The following UBE2B variants were observed in gnomAD, a reference collection of about 807,000 sequenced individuals.
UBE2B encodes the protein ubiquitin conjugating enzyme E2 B, also known as ubiquitin-conjugating enzyme E2 B.
Under a neutral mutation model 24.6 loss-of-function variants are expected in UBE2B, and 11 were observed. The observed-to-expected ratio is 0.45, with a 90% CI of 0.28 to 0.74. The LOEUF (loss-of-function observed/expected upper bound fraction) is 0.74. UBE2B is among the 30% of genes least tolerant of loss of function. UBE2B has a pLI of 0.13. For missense variants in UBE2B, 78 were observed against 185.6 expected (o/e 0.42, Z 3.37); for synonymous variants, 68 against 62.4 (o/e 1.09, Z -0.42).
chr5:134,387,679 G>A (rs910549353), intron 4 of UBE2B, among the ~76,000 whole-genome samples: 1 of 152,198 alleles, frequency 6.6e-6, no homozygotes, highest in African/African-American at 2.4e-5. Flanking sequence ...ATAAGAAAAG[G>A]TGCCAAACTC....
At chr5:134,381,091 T>C (rs1485305876) in intron 4 of UBE2B, among the ~76,000 whole-genome samples, 1 of 151,158 alleles carries the variant, frequency 6.6e-6, no homozygotes, top group African/African-American at 2.4e-5. Context: ...CTCAGCCTTG[T>C]GAGTAGCTGG....
At chr5:134,381,364 T>C in intron 4 of UBE2B, among the ~76,000 whole-genome samples, 1 of 152,212 alleles carries the variant, frequency 6.6e-6, no homozygotes, top group East Asian at 1.9e-4. Context: ...CAAGTAATCC[T>C]CCTGCCTCAG....
chr5:134,380,546 CGT>C (rs1758691434), intron 3 of UBE2B, among the ~76,000 whole-genome samples, 171 bp from the exon 4 acceptor site: 1 of 152,144 alleles, frequency 6.6e-6, no homozygotes, highest in Non-Finnish European at 1.5e-5. Flanking sequence ...GCCAATGCTG[CGT>C]GTTACCATTC....
intron 4 of UBE2B, among the ~76,000 whole-genome samples, chr5:134,381,818 C>A (rs577930861): frequency 6.6e-6 from 1 of 152,288 alleles, no homozygotes; most frequent in Non-Finnish European, 1.5e-5. Flanking sequence ...ATGGTGGGCA[C>A]CTGTAATCTC....
Position 134,376,661 on chromosome 5 carries a change from G to T in UBE2B, c.126-8G>T. On this transcript the variant is annotated splice_polypyrimidine_tract_variant and splice_region_variant and intron_variant, in intron 2 of 5. Coordinates refer to ENST00000265339, the MANE Select transcript of UBE2B (RefSeq NM_003337.4). ...ACTTCTTTTAATCAGAAATCTTCTT[G>T]TTTTCAGACCAGAAGGGACACCTTT... The T allele has an allele frequency of 6.2e-7, 1 of 1,611,336 alleles. No individual in the cohort carries two copies. Among genetic ancestry groups the T allele is most frequent in the Non-Finnish European group, 8.5e-7 (1 of 1,179,042 alleles).
At chr5:134,376,886 T>C (rs543024204) in intron 3 of UBE2B, among the ~76,000 whole-genome samples, 192 bp downstream of exon 3, 93 of 152,208 alleles carry the variant, frequency 6.1e-4, no homozygotes, top group Non-Finnish European at 1.0e-3. Flanking sequence ...TGGTAACCAA[T>C]ATTAAAGGTT....
chr5:134,374,325 G>A (rs978703492), intron 1 of UBE2B, 58 bp from the exon 2 acceptor site: 18 of 1,484,668 alleles, frequency 1.2e-5, no homozygotes, highest in Middle Eastern at 1.7e-4. Context: ...AGGTGTTTAC[G>A]TGGCCTCCTT....
chr5:134,386,046 T>TG (rs1204765003), intron 4 of UBE2B, among the ~76,000 whole-genome samples: 2 of 147,742 alleles, frequency 1.4e-5, no homozygotes, highest in Non-Finnish European at 3.0e-5. Flanking sequence ...GATCATCTGC[T>TG]GGGGGCGCTG....
intron 4 of UBE2B, chr5:134,388,112 A>G: frequency 1.8e-6 from 1 of 568,922 alleles, no homozygotes; most frequent in Non-Finnish European, 3.1e-6. Flanking sequence ...TCCAGCAATT[A>G]CATTTCAACA....
chr5:134,386,094 AGGTG>A (rs1310886391), intron 4 of UBE2B, among the ~76,000 whole-genome samples: 2 of 151,596 alleles, frequency 1.3e-5, no homozygotes, highest in East Asian at 2.0e-4. Context: ...TGGGAGACCG[AGGTG>A]GGCAGATCAC....
rs35846769 is a variant in UBE2B at position 134,372,358 on chromosome 5, A to C, written c.44+719A>C. Among the ~76,000 whole-genome samples the C allele has an allele frequency of 3.3e-3, 506 of 152,288 alleles. 1 individual carries two copies. The highest frequency in any genetic ancestry group is 0.012 in the African/African-American group (479 of 41,548). ...AAATGCCTTCCCTTAGACTGGCGCTAATCTGATACTCCCTGGGCCTCCTTT... is the reference window on the plus strand; with the variant it reads ...AAATGCCTTCCCTTAGACTGGCGCTCATCTGATACTCCCTGGGCCTCCTTT... On this transcript the variant is annotated intron_variant, in intron 1 of 5. Transcript: ENST00000265339.
In UBE2B at chr5:134,390,003, T is replaced by C; in HGVS notation, c.331-222T>C. On this transcript the variant is annotated intron_variant, in intron 5 of 5. Coordinates refer to ENST00000265339, the MANE Select transcript of UBE2B (RefSeq NM_003337.4). The surrounding 1 kb of genome is among the most constrained non-coding windows in gnomAD (Gnocchi z 4.6). Reference sequence around the variant, plus strand: ...GCTGAAATTATAGGTCTTAAGGCAATTGAGAACTTTATTTCAGAAGCTTAA... The same window carrying C: ...GCTGAAATTATAGGTCTTAAGGCAACTGAGAACTTTATTTCAGAAGCTTAA... 1 of 523,082 alleles carries C rather than the reference T, an allele frequency of 1.9e-6. No individual in the cohort carries two copies. Among genetic ancestry groups the C allele is most frequent in the Non-Finnish European group, 3.4e-6 (1 of 294,216 alleles). 32.4% of individuals were successfully genotyped at this position (523,082 alleles called of 1,614,324 possible). A position where few individuals can be genotyped will look rare whatever the true frequency, so the allele number is the denominator to read the frequency against.
chr5:134,372,608 CCT>C (rs148264787), intron 1 of UBE2B, among the ~76,000 whole-genome samples: 3 of 152,266 alleles, frequency 2.0e-5, no homozygotes, highest in African/African-American at 7.2e-5. Context: ...CAGGAAGTCA[CCT>C]CTCAGCTATT....
Position 134,373,866 on chromosome 5 carries a change from T to G in UBE2B, c.45-517T>G, listed in dbSNP as rs35000509. 7.2e-5 allele frequency among the ~76,000 whole-genome samples: 11 copies of G among 152,366 alleles called. No individual in the cohort carries two copies. The East Asian group carries it at 2.1e-3, about 29-fold the overall frequency. On this transcript the variant is annotated intron_variant, in intron 1 of 5. Transcript: ENST00000265339. ...TCCATGGTGTATATGTGCCACATTT[T>G]CTTAGGCTAGTCTATCATTGTTGGA...
rs1758566195 is a variant in UBE2B at position 134,374,544 on chromosome 5, G to T, written c.125+81G>T. The T allele has an allele frequency of 1.8e-5, 25 of 1,414,274 alleles. 1 individual carries two copies. In the South Asian group the frequency reaches 3.1e-4, roughly 17 times the overall value. 87.6% of individuals were successfully genotyped at this position (1,414,274 alleles called of 1,614,324 possible). ...AACATATAACAACTGTCTAGGAAAA[G>T]AAACTGAGGTGGAATGAGAGATCTT... On this transcript the variant is annotated intron_variant, in intron 2 of 5. Coordinates refer to ENST00000265339, the MANE Select transcript of UBE2B (RefSeq NM_003337.4).
In UBE2B at chr5:134,389,447, T is replaced by C. The variant is rs1758862717; in HGVS notation, c.331-778T>C. On this transcript the variant is annotated intron_variant, in intron 5 of 5. Transcript: ENST00000265339. ...GAGAATTATTGATATCTTAACCAAA[T>C]TAAGCTGTTTATTTCCTTGGTTTAA... Among the ~76,000 whole-genome samples the C allele has an allele frequency of 5.9e-5, 9 of 152,248 alleles. No individual in the cohort carries two copies. The South Asian group carries it at 1.9e-3, about 31-fold the overall frequency.
In UBE2B at chr5:134,380,814, T is replaced by C. The variant is rs1296749058; in HGVS notation, c.241+6T>C. The stretch of plus-strand genomic sequence containing the variant: ...CAAAATGTTTCATCCAAATGGTAAG[T>C]AGCATTTTATAGATTTTGCAGATGA... On this transcript the variant is annotated splice_donor_region_variant and intron_variant, in intron 4 of 5. Coordinates refer to ENST00000265339, the MANE Select transcript of UBE2B (RefSeq NM_003337.4). 1 of 1,564,352 alleles carries C rather than the reference T, an allele frequency of 6.4e-7. No individual in the cohort carries two copies. Among genetic ancestry groups the C allele is most frequent in the Non-Finnish European group, 8.8e-7 (1 of 1,136,242 alleles).
intron 2 of UBE2B, among the ~76,000 whole-genome samples, chr5:134,376,332 A>ATATATATATAT (rs1261623550): frequency 2.2e-4 from 1 of 4,504 alleles, no homozygotes; most frequent in Middle Eastern, 0.071. Context: ...CAAAAAAAAA[A>ATATATATATAT]AAAAAAAAAA....
chr5:134,388,643 A>G (rs1306822069), intron 5 of UBE2B, among the ~76,000 whole-genome samples: 1 of 152,194 alleles, frequency 6.6e-6, no homozygotes, highest in Non-Finnish European at 1.5e-5. Context: ...AAGCATAGCC[A>G]AGGGTTGTGG....
Sources: gnomAD v4.1 joint callset for allele counts (sites outside exome capture counted in the v4.1 genomes callset) on GRCh38, gnomAD v4.1.1 for gene constraint, Gnocchi (gnomAD v3.1) non-coding constraint, MANE v1.5 for transcripts, NCBI Gene and HGNC (gene_info 2026-07-23, HGNC 2026-07-21) for gene names.